SEMA6D: variants seen among roughly 807,000 people sequenced by gnomAD.
SEMA6D encodes the protein semaphorin-6D.
Under a neutral mutation model 106.6 loss-of-function variants are expected in SEMA6D, and 35 were observed. The observed-to-expected ratio is 0.33, with a 90% CI of 0.25 to 0.44. SEMA6D has a LOEUF of 0.44. Ranked by LOEUF, SEMA6D falls within the 20% of genes least tolerant of loss-of-function variation. The pLI, the probability that SEMA6D is intolerant of heterozygous loss-of-function variation, is 1.00. For synonymous variants in SEMA6D, 499 were observed against 487.7 expected (o/e 1.02, Z -0.31); for missense variants, 1,185 against 1,345.9 (o/e 0.88, Z 1.87).
chr15:47,403,747 G>T (rs1020165460), intron 1 of SEMA6D, among the ~76,000 whole-genome samples: 7 of 152,286 alleles, frequency 4.6e-5, no homozygotes, highest in African/African-American at 1.7e-4. Flanking sequence ...ATAGTCAAAG[G>T]CACAAGTGGG....
At chr15:47,266,226 T>A (rs530103338) in intron 1 of SEMA6D, among the ~76,000 whole-genome samples, 12 of 152,226 alleles carry the variant, frequency 7.9e-5, no homozygotes, top group African/African-American at 2.9e-4. Flanking sequence ...CCAGTTGTCT[T>A]TTTGACTACA....
At position 47,410,073 on chromosome 15, in the gene SEMA6D, C is replaced by T. The variant is rs180758118; in HGVS notation, c.-238-2320C>T. On this transcript the variant is annotated intron_variant, in intron 1 of 19. Coordinates refer to the SEMA6D transcript ENST00000558014. ...CACTGCAGCCTCAACCTCCTGGGCT[C>T]AGGTGATCCTCTGACCTCAGCCTCC... is the stretch of plus-strand genomic sequence containing the variant. Among the ~76,000 whole-genome samples, 270 of 152,182 alleles carry T rather than the reference C, an allele frequency of 1.8e-3. 1 individual carries two copies. Among genetic ancestry groups the T allele is most frequent in the African/African-American group, 6.3e-3 (261 of 41,530 alleles).
chr15:47,596,140 C>T (rs1362480505), intron 3 of SEMA6D, among the ~76,000 whole-genome samples: 1 of 151,958 alleles, frequency 6.6e-6, no homozygotes, highest in African/African-American at 2.4e-5. Flanking sequence ...TATTTCTATA[C>T]ACTAACAACA....
intron 3 of SEMA6D, among the ~76,000 whole-genome samples, chr15:47,589,284 A>G (rs943833919): frequency 1.2e-4 from 19 of 152,158 alleles, no homozygotes; most frequent in South Asian, 2.1e-4. Flanking sequence ...TTCTTCCCCT[A>G]TGAGGTGCTA....
chr15:47,724,609 G>A (rs1435060014), intron 1 of SEMA6D, among the ~76,000 whole-genome samples: 1 of 151,830 alleles, frequency 6.6e-6, no homozygotes, highest in African/African-American at 2.4e-5. Flanking sequence ...GGAATTCCAG[G>A]CATAGAGAAC....
At chr15:47,547,197 G>A (rs72733866) in intron 3 of SEMA6D, among the ~76,000 whole-genome samples, 16,127 of 152,018 alleles carry the variant, frequency 0.11, 1,289 homozygotes, top group African/African-American at 0.23. Flanking sequence ...GTCTTAACAT[G>A]TAGGGAAAAA....
chr15:47,211,203 A>G (rs924968423), intron 1 of SEMA6D, among the ~76,000 whole-genome samples: 1 of 152,062 alleles, frequency 6.6e-6, no homozygotes, highest in African/African-American at 2.4e-5. Context: ...AGTCGTTCAA[A>G]TTTACAGTTT....
chr15:47,488,054 A>T (rs1459523924), intron 3 of SEMA6D, among the ~76,000 whole-genome samples: 1 of 152,030 alleles, frequency 6.6e-6, no homozygotes, highest in African/African-American at 2.4e-5. Flanking sequence ...TCTGATATAC[A>T]TGCACCTGTT....
intron 4 of SEMA6D, among the ~76,000 whole-genome samples, chr15:47,624,216 C>A (rs906899493): frequency 6.6e-6 from 1 of 152,190 alleles, no homozygotes; most frequent in Non-Finnish European, 1.5e-5. Context: ...ATAGACACTG[C>A]GTGTTCTTGG....
Position 47,768,648 on chromosome 15 carries a change from T to G in SEMA6D, c.1833T>G (p.Ile611Met). The change falls in exon 18 of 19, where the codon ATT becomes ATG. Residue 611 changes from isoleucine to methionine, a missense_variant. Transcript: ENST00000536845. ...ASIPEITPKV[I>M]DTWRPKLTSS... The stretch of plus-strand genomic sequence containing the variant: ...TCCCAGAAATCACACCTAAAGTGAT[T>G]GATACCTGGAGACCTAAACTGACAA... 6.2e-7 allele frequency: 1 copy of G among 1,613,666 alleles called. No individual in the cohort carries two copies. The highest frequency in any genetic ancestry group is 8.5e-7 in the Non-Finnish European group (1 of 1,179,662).
intron 1 of SEMA6D, among the ~76,000 whole-genome samples, chr15:47,207,989 G>A (rs947693614): frequency 1.1e-4 from 7 of 62,254 alleles, no homozygotes; most frequent in Admixed American, 4.2e-4. Flanking sequence ...CCACTGGCGC[G>A]CGCGCACACA....
intron 1 of SEMA6D, among the ~76,000 whole-genome samples, chr15:47,226,131 C>T (rs898977308): frequency 4.6e-5 from 7 of 151,934 alleles, no homozygotes; most frequent in Admixed American, 2.0e-4. Flanking sequence ...CAGAAACACA[C>T]GTATGAAAAT....
intron 1 of SEMA6D, among the ~76,000 whole-genome samples, chr15:47,751,676 TA>T (rs1396760227): frequency 6.6e-6 from 1 of 152,190 alleles, no homozygotes; most frequent in Non-Finnish European, 1.5e-5. Flanking sequence ...TTAGTGGTAC[TA>T]AATCAATCTA....
At chr15:47,359,185 T>C (rs2038704808) in intron 1 of SEMA6D, among the ~76,000 whole-genome samples, 1 of 152,210 alleles carries the variant, frequency 6.6e-6, no homozygotes, top group Non-Finnish European at 1.5e-5. Context: ...TGTATAGTGA[T>C]ACATATCACA....
rs574284383 is a variant in SEMA6D, at chr15:47,307,863, A to G, written c.-238-104530A>G. ...CTTCATTACTTAAAACCGTATTCTCAAAGATATTTACGAGAATTACATAAA... is the reference window on the plus strand; with the variant it reads ...CTTCATTACTTAAAACCGTATTCTCGAAGATATTTACGAGAATTACATAAA... On this transcript the variant is annotated intron_variant, in intron 1 of 19. Coordinates refer to the SEMA6D transcript ENST00000558014. 7.9e-5 allele frequency among the ~76,000 whole-genome samples: 12 copies of G among 152,320 alleles called. 1 individual carries two copies. In the South Asian group the frequency reaches 1.9e-3, roughly 24 times the overall value.
At chr15:47,222,250 A>G (rs1436181831) in intron 1 of SEMA6D, among the ~76,000 whole-genome samples, 2 of 152,200 alleles carry the variant, frequency 1.3e-5, no homozygotes, top group Admixed American at 1.3e-4. Context: ...ATCATATGAG[A>G]TGTCCAGAAA....
chr15:47,577,027 T>A (rs765738530), intron 3 of SEMA6D, among the ~76,000 whole-genome samples: 7 of 152,224 alleles, frequency 4.6e-5, no homozygotes, highest in Non-Finnish European at 1.0e-4. Flanking sequence ...GCATTAGTTG[T>A]GTTTCTGTTT....
chr15:47,307,813 C>T (rs1427762720), intron 1 of SEMA6D, among the ~76,000 whole-genome samples: 3 of 152,112 alleles, frequency 2.0e-5, no homozygotes, highest in African/African-American at 7.2e-5. Flanking sequence ...CTGTTACTTG[C>T]AGAATAGCAA....
rs555622775 is a variant in SEMA6D at position 47,295,591 on chromosome 15, A to T, written c.-239+111173A>T. ...GTGTGAAGGAGGAAAGAAAGCCCCT[A>T]TGGCAGGGAAGTGGAGATCTTTAAA... On this transcript the variant is annotated intron_variant, in intron 1 of 19. Transcript: ENST00000558014. Among the ~76,000 whole-genome samples the T allele has an allele frequency of 1.4e-4, 21 of 152,336 alleles. No homozygotes were observed. In the South Asian group the frequency reaches 4.4e-3, roughly 32 times the overall value.
Sources: gnomAD v4.1 joint callset for allele counts (sites outside exome capture counted in the v4.1 genomes callset) on GRCh38, gnomAD v4.1.1 for gene constraint, MANE v1.5 for transcripts, NCBI Gene and HGNC (gene_info 2026-07-23, HGNC 2026-07-21) for gene names.